The following TMTC2 variants were observed in gnomAD, a reference collection of about 807,000 sequenced individuals.
The protein encoded by TMTC2 is protein O-mannosyl-transferase TMTC2.
Under a neutral mutation model 82.4 loss-of-function variants are expected in TMTC2, and 43 were observed. That is an observed-to-expected ratio of 0.52 (90% CI 0.41 to 0.67). The LOEUF is 0.67. Among genes scored for constraint, TMTC2 ranks in the 30% least tolerant of loss-of-function variants. The pLI, the probability that TMTC2 is intolerant of heterozygous loss-of-function variation, is 0.00. For synonymous variants in TMTC2, 408 were observed against 381.9 expected, an observed-to-expected ratio of 1.07 and a Z score of -0.80; for missense variants, 919 against 1,012.4, an observed-to-expected ratio of 0.91 and a Z score of 1.25.
intron 11 of TMTC2, among the ~76,000 whole-genome samples, chr12:83,116,574 A>G (rs1302410814): frequency 6.6e-6 from 1 of 152,176 alleles, no homozygotes; most frequent in Non-Finnish European, 1.5e-5. Flanking sequence ...AGTGTTCCCC[A>G]TTCATCACAT....
chr12:83,006,075 G>T (rs1024998378), intron 8 of TMTC2, among the ~76,000 whole-genome samples: 44 of 152,170 alleles, frequency 2.9e-4, no homozygotes, highest in African/African-American at 1.0e-3. Context: ...TAGGGGTGGT[G>T]GCATCTTGTG....
intron 1 of TMTC2, among the ~76,000 whole-genome samples, chr12:82,743,745 A>C (rs1340617197): frequency 6.6e-6 from 1 of 152,190 alleles, no homozygotes; most frequent in Non-Finnish European, 1.5e-5. Flanking sequence ...GCCCTGTTTA[A>C]CAAATAAATG....
At chr12:83,009,494 T>C (rs773225483) in intron 8 of TMTC2, among the ~76,000 whole-genome samples, 2 of 152,182 alleles carry the variant, frequency 1.3e-5, no homozygotes, top group Non-Finnish European at 2.9e-5. Context: ...GAATCTCCTT[T>C]CTCTCCACAT....
intron 7 of TMTC2, among the ~76,000 whole-genome samples, chr12:82,971,774 C>T (rs1878455499): frequency 1.4e-5 from 2 of 147,766 alleles, no homozygotes; most frequent in Non-Finnish European, 1.5e-5. Flanking sequence ...CTTGTCATTT[C>T]AGTCTATAAT....
chr12:83,028,343 A>G (rs1365832090), intron 8 of TMTC2, among the ~76,000 whole-genome samples: 1 of 152,184 alleles, frequency 6.6e-6, no homozygotes, highest in East Asian at 1.9e-4. Context: ...AGACTATTTT[A>G]AAGTAGTTTT....
intron 1 of TMTC2, among the ~76,000 whole-genome samples, chr12:82,735,558 G>GA (rs1162520559): frequency 6.6e-6 from 1 of 151,872 alleles, no homozygotes; most frequent in Non-Finnish European, 1.5e-5. Flanking sequence ...TGTTAGCCAG[G>GA]ATGGTCTCGA....
At chr12:82,807,136 A>G (rs993598999) in intron 1 of TMTC2, among the ~76,000 whole-genome samples, 4 of 152,178 alleles carry the variant, frequency 2.6e-5, no homozygotes, top group African/African-American at 9.6e-5. Context: ...TGTTCATTCA[A>G]TATGACTTTT....
At chr12:83,012,824 C>G (rs561461528) in intron 8 of TMTC2, among the ~76,000 whole-genome samples, 1 of 152,110 alleles carries the variant, frequency 6.6e-6, no homozygotes, top group East Asian at 1.9e-4. Context: ...ACAGGTATAA[C>G]AGAATACAGA....
intron 9 of TMTC2, 29 bp downstream of exon 9, chr12:83,030,908 TC>T: frequency 2.0e-6 from 3 of 1,506,932 alleles, no homozygotes; most frequent in Non-Finnish European, 1.8e-6. Context: ...TTTTTCCATG[TC>T]CCCCACATTT....
intron 9 of TMTC2, among the ~76,000 whole-genome samples, chr12:83,046,940 T>A (rs1157412200): frequency 6.6e-6 from 1 of 152,206 alleles, no homozygotes; most frequent in African/African-American, 2.4e-5. Flanking sequence ...TATATTTCAG[T>A]GAACCTAAAT....
intron 9 of TMTC2, among the ~76,000 whole-genome samples, chr12:83,040,031 G>T (rs1362520865): frequency 6.6e-6 from 1 of 152,240 alleles, no homozygotes; most frequent in Non-Finnish European, 1.5e-5. Context: ...CTGAAGCTCA[G>T]TGTTTAACAA....
chr12:82,923,353 T>C (rs1009576774), intron 3 of TMTC2, among the ~76,000 whole-genome samples: 1 of 152,184 alleles, frequency 6.6e-6, no homozygotes. Context: ...TATTTTTTTA[T>C]TGTTGCTTTG....
intron 1 of TMTC2, among the ~76,000 whole-genome samples, chr12:82,805,569 G>A (rs547225071): frequency 3.9e-4 from 55 of 142,644 alleles, no homozygotes; most frequent in African/African-American, 1.1e-3. Flanking sequence ...GTGAAGTGGC[G>A]CGATCTTGGC....
At chr12:82,732,359 A>G (rs947043652) in intron 1 of TMTC2, among the ~76,000 whole-genome samples, 1 of 150,642 alleles carries the variant, frequency 6.6e-6, no homozygotes, top group Non-Finnish European at 1.5e-5. Flanking sequence ...TTTTTTTTTT[A>G]TGAGACGGAT....
chr12:82,739,040 C>T (rs1247214477), intron 1 of TMTC2, among the ~76,000 whole-genome samples: 1 of 151,024 alleles, frequency 6.6e-6, no homozygotes, highest in South Asian at 2.1e-4. Context: ...CCCAGCTACT[C>T]GGGAGGCTGA....
chr12:82,777,785 A>AT (rs1305360936), intron 1 of TMTC2, among the ~76,000 whole-genome samples: 1 of 151,916 alleles, frequency 6.6e-6, no homozygotes, highest in African/African-American at 2.4e-5. Context: ...CTCAGCTGAA[A>AT]TTTTTGCTCT....
chr12:82,995,986 T>G (rs1326297496), intron 8 of TMTC2, among the ~76,000 whole-genome samples: 1 of 152,208 alleles, frequency 6.6e-6, no homozygotes, highest in East Asian at 1.9e-4. Flanking sequence ...AATATACATA[T>G]GTGGTATCTC....
At chr12:82,837,779 G>T (rs1870130132) in intron 1 of TMTC2, among the ~76,000 whole-genome samples, 1 of 152,146 alleles carries the variant, frequency 6.6e-6, no homozygotes, top group African/African-American at 2.4e-5. Flanking sequence ...AAACAAAGTT[G>T]TGCTGCTTTA....
At chr12:82,802,498 G>A (rs1013372084) in intron 1 of TMTC2, among the ~76,000 whole-genome samples, 1 of 152,158 alleles carries the variant, frequency 6.6e-6, no homozygotes, top group Admixed American at 6.5e-5. Context: ...CTGCCAGCAC[G>A]CTGTCACCTC....
Sources: allele counts gnomAD v4.1 joint callset (sites outside exome capture counted in the v4.1 genomes callset), GRCh38; gene constraint gnomAD v4.1.1; transcripts MANE v1.5; gene names NCBI Gene and HGNC (gene_info 2026-07-23, HGNC 2026-07-21).